The following LAMB3 variants were observed in gnomAD, a reference collection of about 807,000 sequenced individuals.
The protein encoded by LAMB3 is laminin subunit beta-3.
Under a neutral mutation model 140.3 loss-of-function variants are expected in LAMB3, and 104 were observed. The observed-to-expected ratio is 0.74, with a 90% CI of 0.63 to 0.87. LAMB3 has a LOEUF of 0.87. Among genes scored for constraint, LAMB3 ranks in the 40% least tolerant of loss-of-function variants. The pLI, the probability that LAMB3 is intolerant of heterozygous loss-of-function variation, is 0.00. For synonymous variants in LAMB3, 592 were observed against 602.9 expected (o/e 0.98, Z 0.26); for missense variants, 1,531 against 1,575.2 (o/e 0.97, Z 0.47).
At chr1:209,636,150 A>G (rs975605486) in intron 5 of LAMB3, among the ~76,000 whole-genome samples, 2 of 151,970 alleles carry the variant, frequency 1.3e-5, no homozygotes, top group Admixed American at 6.6e-5. Flanking sequence ...ACGATTTCCA[A>G]TTATTTACTT....
chr1:209,633,122 G>A lies in LAMB3; in HGVS notation c.576C>T (p.Asn192=), dbSNP rs765643345. Residue 192 remains asparagine (N), a synonymous_variant, in exon 7 of 23, where the codon AAC becomes AAT. Coordinates refer to ENST00000356082, the MANE Select transcript of LAMB3 (RefSeq NM_000228.3). The part of the protein sequence containing the change: ...ARLNGGKVQL[N]LMDLVSGIPA... The stretch of plus-strand genomic sequence containing the variant: ...GAATCCCAGACACTAAATCCATAAG[G>A]TTAAGTTGGACCTACAGAGGGAAGG... 4 of 1,611,988 alleles carry A rather than the reference G, an allele frequency of 2.5e-6. No homozygotes were observed. The South Asian group carries it at 3.3e-5, about 13-fold the overall frequency.
Position 209,630,363 on chromosome 1 carries a change from G to A in LAMB3, c.943+252C>T, listed in dbSNP as rs1174129489. Among the ~76,000 whole-genome samples the A allele has an allele frequency of 2.0e-5, 3 of 152,296 alleles. No homozygotes were observed. In the East Asian group the frequency reaches 5.8e-4, roughly 29 times the overall value. The stretch of plus-strand genomic sequence containing the variant: ...AAATGACAATAGAAAAACCAGATAT[G>A]TCCTAAACAGGGTAAAGCAACTGGA... On this transcript the variant is annotated intron_variant, in intron 9 of 22. Transcript: ENST00000356082.
rs200694334 is a variant in LAMB3, at chr1:209,638,708, C to T, written c.184-60G>A. 29 of 1,048,278 alleles carry T rather than the reference C, an allele frequency of 2.8e-5. 1 individual carries two copies. The highest frequency in any genetic ancestry group is 1.7e-4 in the South Asian group (13 of 78,072). 64.9% of individuals were successfully genotyped at this position (1,048,278 alleles called of 1,614,324 possible). ...GGGGTCCTGATAGAATTCCCCCTTG[C>T]GTCCTGAGATCCCAGCATATCTCCT... On this transcript the variant is annotated intron_variant, in intron 3 of 22. Transcript: ENST00000356082.
intron 22 of LAMB3, among the ~76,000 whole-genome samples, chr1:209,615,938 G>A (rs1665944261): frequency 6.6e-6 from 1 of 152,092 alleles, no homozygotes; most frequent in South Asian, 2.1e-4. Flanking sequence ...CAGCTCCTCA[G>A]CAACCCTCTT....
At chr1:209,635,171 G>T (rs1444883476) in intron 5 of LAMB3, among the ~76,000 whole-genome samples, 1 of 151,998 alleles carries the variant, frequency 6.6e-6, no homozygotes, top group Admixed American at 6.6e-5. Context: ...ATCCATTTTG[G>T]GTGGCTTTAA....
At chr1:209,641,157 T>G (rs2076466219) in intron 3 of LAMB3, among the ~76,000 whole-genome samples, 1 of 151,106 alleles carries the variant, frequency 6.6e-6, no homozygotes, top group Non-Finnish European at 1.5e-5. Context: ...CACTAAATAC[T>G]TCTTGAATAA....
chr1:209,625,635 G>A lies in LAMB3; in HGVS notation c.1976+13C>T. On this transcript the variant is annotated intron_variant, in intron 14 of 22. Transcript: ENST00000356082. Reference sequence around the variant, plus strand: ...ATAATTCTTGCAAATGCTTGGCAGGGAAAGGGAATTACCTGAGGGAGAGGA... The same window carrying A: ...ATAATTCTTGCAAATGCTTGGCAGGAAAAGGGAATTACCTGAGGGAGAGGA... The A allele has an allele frequency of 1.9e-6, 3 of 1,614,100 alleles. No homozygotes were observed. Among genetic ancestry groups the A allele is most frequent in the Non-Finnish European group, 2.5e-6 (3 of 1,180,002 alleles).
At chr1:209,622,443 T>C (rs12073223) in intron 18 of LAMB3, 93 bp downstream of exon 18, 1 of 1,471,534 alleles carries the variant, frequency 6.8e-7, no homozygotes, top group Non-Finnish European at 9.4e-7. Context: ...GGCCTGGGAC[T>C]AGGGAGGGAG....
intron 3 of LAMB3, among the ~76,000 whole-genome samples, chr1:209,640,438 C>T (rs999178239): frequency 9.9e-5 from 15 of 151,948 alleles, no homozygotes; most frequent in African/African-American, 2.4e-5. Context: ...GTCCCAGCTA[C>T]TCGGGAGGCT....
At position 209,625,688 on chromosome 1, in the gene LAMB3, G is replaced by A; in HGVS notation, c.1936C>T (p.Gln646Ter). ...GCACTGGCCACCTGAGCCACCTCCTGCTCTGTGACTGCGGGGCTGCTGAGA... is the reference window on the plus strand; with the variant it reads ...GCACTGGCCACCTGAGCCACCTCCTACTCTGTGACTGCGGGGCTGCTGAGA... Reference protein sequence around the residue: ...AVLSSPAVTEQEVAQVASAIL... With the variant: ...AVLSSPAVTE Residue 646 changes from glutamine (Q) to a stop codon, truncating the protein, a stop_gained, in exon 14 of 23, where the codon CAG (glutamine) becomes TAG (stop). Transcript: ENST00000356082. LOFTEE classifies it high-confidence loss of function. 1 of 1,614,174 alleles carries A rather than the reference G, an allele frequency of 6.2e-7. No homozygotes were observed. The highest frequency in any genetic ancestry group is 1.3e-5 in the African/African-American group (1 of 75,066).
rs771836143 is a variant in LAMB3 at position 209,632,590 on chromosome 1, G to T, written c.815C>A (p.Ala272Asp). 1 of 1,613,818 alleles carries T rather than the reference G, an allele frequency of 6.2e-7. No individual in the cohort carries two copies. Among genetic ancestry groups the T allele is most frequent in the Non-Finnish European group, 8.5e-7 (1 of 1,179,732 alleles). The change falls in exon 8 of 23, where the codon GCT (alanine) becomes GAT (aspartate). Residue 272 changes from alanine (A) to aspartate (D), a missense_variant. By Grantham distance (126) the Ala-to-Asp change is moderately radical. Coordinates refer to ENST00000356082, the MANE Select transcript of LAMB3 (RefSeq NM_000228.3). ...KPGASAGPST[A>D]VQVHDVCVCQ... ...CCCACCCTAGGCTGTTACCTGCACA[G>T]CGGTGGAGGGGCCTGCAGAGGCCCC...
At position 209,652,419 on chromosome 1, in the gene LAMB3, T is replaced by C. The variant is rs894966075; in HGVS notation, c.-88A>G. 4 of 152,468 alleles carry C rather than the reference T, an allele frequency of 2.6e-5. No individual in the cohort carries two copies. The highest frequency in any genetic ancestry group is 9.6e-5 in the African/African-American group (4 of 41,584). 9.4% of individuals were successfully genotyped at this position (152,468 alleles called of 1,614,324 possible). On this transcript the variant is annotated 5_prime_UTR_variant, in exon 1 of 23. Coordinates refer to ENST00000356082, the MANE Select transcript of LAMB3 (RefSeq NM_000228.3). ...CTCCAGATCGCCTGAAAGCTCCTCT[T>C]GAATGTGGGGGTCTCCCCTCCCGGC...
chr1:209,633,139 G>C lies in LAMB3; in HGVS notation c.565-6C>G, dbSNP rs1405507323. The C allele has an allele frequency of 6.2e-7, 1 of 1,607,272 alleles. No homozygotes were observed. Among genetic ancestry groups the C allele is most frequent in the Admixed American group, 1.7e-5 (1 of 60,020 alleles). Reference sequence around the variant, plus strand: ...TCCATAAGGTTAAGTTGGACCTACAGAGGGAAGGGAAAGAGAAGCGCTGAA... The same window carrying C: ...TCCATAAGGTTAAGTTGGACCTACACAGGGAAGGGAAAGAGAAGCGCTGAA... On this transcript the variant is annotated splice_polypyrimidine_tract_variant and splice_region_variant and intron_variant, in intron 6 of 22. Transcript: ENST00000356082.
intron 5 of LAMB3, among the ~76,000 whole-genome samples, chr1:209,635,868 G>A (rs1319847395): frequency 1.3e-5 from 2 of 152,170 alleles, no homozygotes; most frequent in East Asian, 3.9e-4. Context: ...GAGGCCCCAG[G>A]CTCCCTGGGC....
At position 209,618,557 on chromosome 1, in the gene LAMB3, A is replaced by C; in HGVS notation, c.2804T>G (p.Ile935Ser). The change falls in exon 19 of 23, where the codon ATC (isoleucine) becomes AGC (serine). Residue 935 changes from isoleucine (I) to serine (S), a missense_variant. Physicochemically the swap from Ile to Ser is moderately radical, Grantham distance 142 (BLOSUM62 -2). Transcript: ENST00000356082. ...GGGGAGCCTGGCTGCAATGGCCTGG[A>C]TCTCATTCATCTTCTGCAGAACAGT... ...SATVLQKMNEIQAIAARLPNV... is the reference protein window; with the variant it reads ...SATVLQKMNESQAIAARLPNV... The C allele has an allele frequency of 6.2e-7, 1 of 1,614,224 alleles. No homozygotes were observed. The highest frequency in any genetic ancestry group is 1.1e-5 in the South Asian group (1 of 91,088).
At position 209,650,130 on chromosome 1, in the gene LAMB3, G is replaced by C. The variant is rs775715900; in HGVS notation, c.29-12C>G. ...GAGGCCAGGCAGGGCTGAAATCACA[G>C]GGATGTGTGATGGAGCAGTCCAGAA... On this transcript the variant is annotated splice_polypyrimidine_tract_variant and intron_variant, in intron 2 of 22. Transcript: ENST00000356082. 1 of 1,610,706 alleles carries C rather than the reference G, an allele frequency of 6.2e-7. No individual in the cohort carries two copies. Among genetic ancestry groups the C allele is most frequent in the East Asian group, 2.2e-5 (1 of 44,760 alleles).
rs1178754110 is a variant in LAMB3 at position 209,623,960 on chromosome 1, C to T, written c.2017G>A (p.Glu673Lys). Residue 673 changes from glutamate to lysine, a missense_variant, in exon 15 of 23, where the codon GAG becomes AAG. Transcript: ENST00000356082. The surrounding 1 kb of genome is among the most constrained non-coding windows in gnomAD (Gnocchi z 4.2). ...TCTCTCGGAAGGGACAACGTCTCCT[C>T]CTCCAGGGGCAGATCCAGCTGCAGG... ...QGLQLDLPLEEETLSLPRDLE... is the reference protein window; with the variant it reads ...QGLQLDLPLEKETLSLPRDLE... 3 of 1,614,106 alleles carry T rather than the reference C, an allele frequency of 1.9e-6. No homozygotes were observed. Among genetic ancestry groups the T allele is most frequent in the Non-Finnish European group, 2.5e-6 (3 of 1,180,040 alleles).
intron 3 of LAMB3, among the ~76,000 whole-genome samples, chr1:209,645,940 T>C (rs959288618): frequency 6.6e-6 from 1 of 152,188 alleles, no homozygotes; most frequent in Non-Finnish European, 1.5e-5. Flanking sequence ...TTTACATGCA[T>C]GTGCGCCTGC....
chr1:209,635,388 TTTTGTTTG>T lies in LAMB3; in HGVS notation c.373-758_373-751del, dbSNP rs111289650. On this transcript the variant is annotated intron_variant, in intron 5 of 22. Coordinates refer to ENST00000356082, the MANE Select transcript of LAMB3 (RefSeq NM_000228.3). The stretch of plus-strand genomic sequence containing the variant: ...CTCTTACTCAGTCATATCTTCTGTT[TTTTGTTTG>T]TTTGTTTGTTTGTTTGTTTGTTTTG... Among the ~76,000 whole-genome samples the T allele has an allele frequency of 7.7e-3, 1,169 of 151,658 alleles. 10 individuals carry two copies. The highest frequency in any genetic ancestry group is 0.027 in the African/African-American group (1,112 of 41,150).
Sources: gnomAD v4.1 joint callset for allele counts (sites outside exome capture counted in the v4.1 genomes callset) on GRCh38, gnomAD v4.1.1 for gene constraint, Gnocchi (gnomAD v3.1) non-coding constraint, MANE v1.5 for transcripts, NCBI Gene and HGNC (gene_info 2026-07-23, HGNC 2026-07-21) for gene names.